CDH12: variants seen among roughly 807,000 people sequenced by gnomAD.
CDH12 encodes the protein cadherin-12.
CDH12 carries 41 observed loss-of-function variants against 74.1 expected under a neutral mutation model. The observed-to-expected ratio is 0.55, with a 90% confidence interval of 0.43 to 0.72. The LOEUF is 0.72. Among genes scored for constraint, CDH12 ranks in the 30% least tolerant of loss-of-function variants. The pLI is 0.00. For missense variants in CDH12, 945 were observed against 977.2 expected (o/e 0.97, Z 0.44); for synonymous variants, 399 against 355.0 (o/e 1.12, Z -1.39).
At chr5:22,725,592 CA>C (rs34798783) in intron 1 of CDH12, among the ~76,000 whole-genome samples, 74,324 of 150,444 alleles carry the variant, frequency 0.49, 18,349 homozygotes, top group East Asian at 0.56. Flanking sequence ...TCCTTCAAGC[CA>C]TTTTTTTTTA....
chr5:22,803,462 C>A (rs984858062), intron 1 of CDH12, among the ~76,000 whole-genome samples: 2 of 152,040 alleles, frequency 1.3e-5, no homozygotes, highest in African/African-American at 4.8e-5. Flanking sequence ...AATAAAAATA[C>A]CATTATCCTA....
chr5:21,837,698 A>G (rs1195692483), intron 8 of CDH12, among the ~76,000 whole-genome samples: 1 of 152,170 alleles, frequency 6.6e-6, no homozygotes, highest in Non-Finnish European at 1.5e-5. Flanking sequence ...TCTCTTTATA[A>G]ATGTTTTGTT....
At chr5:22,117,128 G>A (rs1282979121) in intron 4 of CDH12, among the ~76,000 whole-genome samples, 3 of 150,924 alleles carry the variant, frequency 2.0e-5, no homozygotes, top group Admixed American at 6.6e-5. Context: ...TCTGGGTCAC[G>A]GTTTCATCTG....
At chr5:22,151,037 A>T (rs760578446) in intron 4 of CDH12, among the ~76,000 whole-genome samples, 44 of 152,318 alleles carry the variant, frequency 2.9e-4, no homozygotes, top group Non-Finnish European at 5.0e-4. Flanking sequence ...AGCTTACATA[A>T]ATCATTAAGG....
intron 9 of CDH12, among the ~76,000 whole-genome samples, chr5:21,809,717 G>A (rs980703540): frequency 1.1e-4 from 17 of 152,052 alleles, no homozygotes; most frequent in African/African-American, 4.1e-4. Context: ...CCTTTTAGTC[G>A]ACAACAATTT....
chr5:21,940,939 C>T (rs980254284), intron 6 of CDH12, among the ~76,000 whole-genome samples: 4 of 151,932 alleles, frequency 2.6e-5, no homozygotes, highest in African/African-American at 9.7e-5. Context: ...GAGATTATAA[C>T]ATAAAACCCA....
intron 1 of CDH12, among the ~76,000 whole-genome samples, chr5:22,761,470 A>G (rs1311985507): frequency 6.6e-6 from 1 of 152,184 alleles, no homozygotes; most frequent in Non-Finnish European, 1.5e-5. Flanking sequence ...AATCACAAGT[A>G]AATGGTTATC....
At chr5:21,812,604 G>C (rs1213008628) in intron 9 of CDH12, among the ~76,000 whole-genome samples, 1 of 151,976 alleles carries the variant, frequency 6.6e-6, no homozygotes, top group Non-Finnish European at 1.5e-5. Flanking sequence ...AATTGATTTT[G>C]AATTTTTATG....
chr5:22,772,770 A>G (rs1438261016), intron 1 of CDH12, among the ~76,000 whole-genome samples: 2 of 152,110 alleles, frequency 1.3e-5, no homozygotes, highest in African/African-American at 4.8e-5. Context: ...GTTTGTCTCC[A>G]TAGTTCACAG....
chr5:22,076,117 C>T (rs1024508584), intron 5 of CDH12, among the ~76,000 whole-genome samples: 1 of 152,042 alleles, frequency 6.6e-6, no homozygotes, highest in African/African-American at 2.4e-5. Context: ...GCTTGAGAAC[C>T]ATGAGTGTTC....
intron 1 of CDH12, among the ~76,000 whole-genome samples, chr5:22,681,581 G>T (rs1057426707): frequency 2.0e-5 from 3 of 151,916 alleles, no homozygotes; most frequent in African/African-American, 7.2e-5. Context: ...TATAAAAGGA[G>T]CAATTTGTGA....
At chr5:22,250,399 G>A (rs1753096746) in intron 3 of CDH12, among the ~76,000 whole-genome samples, 2 of 152,090 alleles carry the variant, frequency 1.3e-5, no homozygotes, top group South Asian at 2.1e-4. Flanking sequence ...TCTGGCTGGC[G>A]GCTGGGACCT....
intron 2 of CDH12, among the ~76,000 whole-genome samples, chr5:22,444,519 T>A (rs908469780): frequency 6.7e-6 from 1 of 150,076 alleles, no homozygotes; most frequent in Non-Finnish European, 1.5e-5. Context: ...TCGTTGATGC[T>A]GTCACACAGT....
intron 1 of CDH12, among the ~76,000 whole-genome samples, chr5:22,700,471 C>A (rs987723521): frequency 2.0e-5 from 3 of 152,184 alleles, no homozygotes; most frequent in Admixed American, 6.5e-5. Context: ...TTACCTCTTG[C>A]CAATGATCAC....
chr5:22,364,012 C>T (rs1437545800), intron 3 of CDH12, among the ~76,000 whole-genome samples: 4 of 152,154 alleles, frequency 2.6e-5, no homozygotes, highest in Non-Finnish European at 4.4e-5. Flanking sequence ...CCTCATTCTC[C>T]TCCCTCACTA....
At chr5:22,142,840 T>A (rs962770935) in intron 4 of CDH12, 1 of 255,606 alleles carries the variant, frequency 3.9e-6, no homozygotes, top group Non-Finnish European at 8.4e-6. Flanking sequence ...ATTTAAACTT[T>A]CTTCTTCCTT....
chr5:22,720,224 G>T (rs1743807133), intron 1 of CDH12, among the ~76,000 whole-genome samples: 1 of 152,156 alleles, frequency 6.6e-6, no homozygotes, highest in Non-Finnish European at 1.5e-5. Flanking sequence ...TAGTAAGTGA[G>T]TTCTCACAAT....
At chr5:22,231,229 A>C (rs1752370692) in intron 3 of CDH12, among the ~76,000 whole-genome samples, 1 of 152,186 alleles carries the variant, frequency 6.6e-6, no homozygotes, top group South Asian at 2.1e-4. Flanking sequence ...CCCAGTTTAC[A>C]ATAGGGATTA....
intron 3 of CDH12, among the ~76,000 whole-genome samples, chr5:22,358,813 T>A (rs1289076238): frequency 6.6e-6 from 1 of 152,212 alleles, no homozygotes; most frequent in Admixed American, 6.6e-5. Context: ...CTGATGGTAG[T>A]TCACATTGAT....
Sources: allele counts gnomAD v4.1 joint callset (sites outside exome capture counted in the v4.1 genomes callset), GRCh38; gene constraint gnomAD v4.1.1; transcripts MANE v1.5; gene names NCBI Gene and HGNC (gene_info 2026-07-23, HGNC 2026-07-21).